Variants in SGMS1 observed in about 807,000 individuals in gnomAD.
SGMS1 encodes the protein phosphatidylcholine:ceramide cholinephosphotransferase 1.
Under a neutral mutation model 46.2 loss-of-function variants are expected in SGMS1, and 13 were observed. The ratio of observed to expected loss-of-function variants is 0.28; its 90% CI spans 0.18 to 0.45. The LOEUF (loss-of-function observed/expected upper bound fraction) is 0.45, where lower values mean the gene tolerates loss of function less well. SGMS1 is among the 20% of genes least tolerant of loss of function. The probability of loss-of-function intolerance (pLI) is 1.00; values close to 1 mark genes in which losing one functional copy is unlikely to be tolerated. For missense variants in SGMS1, 324 were observed against 519.9 expected (o/e 0.62, Z 3.66); for synonymous variants, 203 against 187.8 (o/e 1.08, Z -0.66).
intron 6 of SGMS1, among the ~76,000 whole-genome samples, chr10:50,393,705 G>A (rs1848807559): frequency 1.3e-5 from 2 of 152,180 alleles, no homozygotes; most frequent in African/African-American, 4.8e-5. Context: ...TATCTACAGA[G>A]ACTGTGGACC....
intron 2 of SGMS1, among the ~76,000 whole-genome samples, chr10:50,537,191 T>C (rs1838009396): frequency 6.6e-6 from 1 of 152,196 alleles, no homozygotes; most frequent in Non-Finnish European, 1.5e-5. Flanking sequence ...TGATCTTGTT[T>C]GATCCTTAGT....
intron 6 of SGMS1, among the ~76,000 whole-genome samples, chr10:50,394,742 A>G (rs1034211922): frequency 2.0e-5 from 3 of 152,222 alleles, no homozygotes; most frequent in East Asian, 1.9e-4. Context: ...GTTTACAATG[A>G]CTTTCAGGCT....
chr10:50,442,336 C>T (rs1849556546), intron 5 of SGMS1, among the ~76,000 whole-genome samples: 1 of 152,014 alleles, frequency 6.6e-6, no homozygotes, highest in African/African-American at 2.4e-5. Context: ...GCTCTCCCTC[C>T]CCCACCGCCC....
At chr10:50,465,864 CACAA>C (rs1316143768) in intron 4 of SGMS1, among the ~76,000 whole-genome samples, 1 of 151,568 alleles carries the variant, frequency 6.6e-6, no homozygotes, top group Non-Finnish European at 1.5e-5. Context: ...AAAAACAGTT[CACAA>C]ACAACCAACT....
chr10:50,589,634 T>A (rs1215865984), intron 2 of SGMS1, among the ~76,000 whole-genome samples: 1 of 151,512 alleles, frequency 6.6e-6, no homozygotes, highest in Non-Finnish European at 1.5e-5. Context: ...CACACCCAGC[T>A]AATTTTTTTT....
intron 2 of SGMS1, among the ~76,000 whole-genome samples, chr10:50,557,931 G>A (rs916320890): frequency 6.6e-6 from 1 of 152,164 alleles, no homozygotes; most frequent in Non-Finnish European, 1.5e-5. Context: ...AACTCAGTAG[G>A]TTTTGAGTTT....
At chr10:50,462,832 A>C (rs1000409048) in intron 4 of SGMS1, among the ~76,000 whole-genome samples, 7 of 152,306 alleles carry the variant, frequency 4.6e-5, no homozygotes, top group Non-Finnish European at 8.8e-5. Context: ...ATGACTGTGG[A>C]GTCGAGCAGA....
upstream of SGMS1, chr10:50,624,594 C>T: frequency 1.0e-6 from 1 of 985,328 alleles, no homozygotes; most frequent in South Asian, 4.7e-5. Flanking sequence ...CGCCCCGCCC[C>T]GCCTGGGGCC....
At chr10:50,336,644 C>A (rs541554631) in intron 7 of SGMS1, among the ~76,000 whole-genome samples, 1 of 152,204 alleles carries the variant, frequency 6.6e-6, no homozygotes, top group East Asian at 1.9e-4. Flanking sequence ...ATCTACAACA[C>A]TAAATCTGTT....
chr10:50,553,819 G>T (rs779897578), intron 2 of SGMS1, among the ~76,000 whole-genome samples: 3 of 152,066 alleles, frequency 2.0e-5, no homozygotes, highest in South Asian at 2.1e-4. Flanking sequence ...GCCAACAAAG[G>T]CCCATTTGCT....
intron 2 of SGMS1, among the ~76,000 whole-genome samples, chr10:50,541,057 T>C (rs1335591685): frequency 6.6e-6 from 1 of 152,166 alleles, no homozygotes; most frequent in African/African-American, 2.4e-5. Context: ...GTGCTTCAGA[T>C]ACATTCAATT....
intron 2 of SGMS1, among the ~76,000 whole-genome samples, chr10:50,522,708 C>G (rs1039394232): frequency 1.3e-5 from 2 of 151,842 alleles, no homozygotes; most frequent in Non-Finnish European, 2.9e-5. Context: ...TATGGATGGT[C>G]TTTATTCCTA....
chr10:50,380,109 A>G (rs1039216975), intron 6 of SGMS1, among the ~76,000 whole-genome samples: 3 of 152,116 alleles, frequency 2.0e-5, no homozygotes, highest in Non-Finnish European at 4.4e-5. Flanking sequence ...GGCTGGGCAC[A>G]GTGGCTCATA....
chr10:50,597,065 C>T (rs924358453), intron 1 of SGMS1, among the ~76,000 whole-genome samples: 8 of 152,160 alleles, frequency 5.3e-5, no homozygotes, highest in African/African-American at 1.9e-4. Context: ...GTCCCTGGCT[C>T]AGTGCTTTGA....
chr10:50,427,581 G>A (rs1238820629), intron 6 of SGMS1, among the ~76,000 whole-genome samples: 2 of 152,168 alleles, frequency 1.3e-5, no homozygotes. Context: ...AAGGTAAGCT[G>A]AACTAACCAA....
At chr10:50,375,405 G>C (rs1848509319) in intron 6 of SGMS1, among the ~76,000 whole-genome samples, 1 of 152,224 alleles carries the variant, frequency 6.6e-6, no homozygotes, top group African/African-American at 2.4e-5. Flanking sequence ...ATTTTTAAGA[G>C]TCAGGCATTA....
chr10:50,343,397 C>T, intron 7 of SGMS1, 95 bp downstream of exon 7: 4 of 1,348,458 alleles, frequency 3.0e-6, no homozygotes, highest in South Asian at 1.6e-5. Context: ...TGTTTTGATC[C>T]CAACAAGTTG....
chr10:50,402,406 T>C (rs986412393), intron 6 of SGMS1, among the ~76,000 whole-genome samples: 2 of 152,116 alleles, frequency 1.3e-5, no homozygotes, highest in African/African-American at 2.4e-5. Context: ...ACAAAACCAT[T>C]AGACATCTCA....
chr10:50,465,793 A>G (rs541169188), intron 4 of SGMS1, among the ~76,000 whole-genome samples: 1 of 152,292 alleles, frequency 6.6e-6, no homozygotes, highest in South Asian at 2.1e-4. Context: ...AAGTGTCCCA[A>G]TATGAAACTG....
Sources: allele counts gnomAD v4.1 joint callset (sites outside exome capture counted in the v4.1 genomes callset), GRCh38; gene constraint gnomAD v4.1.1; transcripts MANE v1.5; gene names NCBI Gene and HGNC (gene_info 2026-07-23, HGNC 2026-07-21).